SMG1: variants seen among roughly 807,000 people sequenced by gnomAD.
SMG1 encodes serine/threonine-protein kinase SMG1.
A neutral mutation model predicts 419.9 loss-of-function variants in SMG1; 22 were observed. The ratio of observed to expected loss-of-function variants is 0.05; its 90% CI spans 0.04 to 0.07. SMG1 has a LOEUF of 0.07. Ranked by LOEUF, SMG1 falls within the 10% of genes least tolerant of loss-of-function variation. The pLI, the probability that SMG1 is intolerant of heterozygous loss-of-function variation, is 1.00. For missense variants in SMG1, 3,185 were observed against 4,342.0 expected, an observed-to-expected ratio of 0.73 and a Z score of 7.49; for synonymous variants, 1,538 against 1,553.5, an observed-to-expected ratio of 0.99 and a Z score of 0.23.
intron 33 of SMG1, among the ~76,000 whole-genome samples, chr16:18,850,848 G>A (rs916164232): frequency 2.0e-5 from 3 of 152,058 alleles, no homozygotes; most frequent in African/African-American, 7.2e-5. Context: ...CTGCCTCCCA[G>A]GTTCAAGCAA....
Position 18,809,501 on chromosome 16 carries a change from C to T in SMG1, c.*68G>A, listed in dbSNP as rs763329066. 4 of 1,237,930 alleles carry T rather than the reference C, an allele frequency of 3.2e-6. No homozygotes were observed. Among genetic ancestry groups the T allele is most frequent in the Non-Finnish European group, 4.7e-6 (4 of 854,430 alleles). The allele number at this position is 1,237,930 out of a possible 1,614,324, so 76.7% of individuals were successfully genotyped here. ...ACCGACTGTGGTGTGGCTTTGGATG[C>T]CTGAGGCTGAGTTGATTCTGGTGGA... On this transcript the variant is annotated 3_prime_UTR_variant, in exon 63 of 63. Coordinates refer to ENST00000446231, the MANE Select transcript of SMG1 (RefSeq NM_015092.5).
intron 18 of SMG1, 137 bp from the exon 19 acceptor site, chr16:18,870,131 G>A (rs2035736805): frequency 1.6e-6 from 1 of 611,606 alleles, no homozygotes; most frequent in Admixed American, 3.1e-5. Context: ...TGGATACAGA[G>A]ATGTGATTAC....
chr16:18,830,135 C>T lies in SMG1; in HGVS notation c.8944-20G>A. 6.3e-7 allele frequency: 1 copy of T among 1,599,890 alleles called. No individual in the cohort carries two copies. Among genetic ancestry groups the T allele is most frequent in the Non-Finnish European group, 8.5e-7 (1 of 1,172,220 alleles). On this transcript the variant is annotated intron_variant, in intron 52 of 62. Coordinates refer to ENST00000446231, the MANE Select transcript of SMG1 (RefSeq NM_015092.5). Reference sequence around the variant, plus strand: ...GTTCAACTATGTAAATGAAAGAAAACAAAGTTCATTTCTCCACTCTTGACA... The same window carrying T: ...GTTCAACTATGTAAATGAAAGAAAATAAAGTTCATTTCTCCACTCTTGACA...
chr16:18,925,286 A>C (rs370164925), intron 1 of SMG1: 1 of 152,136 alleles, frequency 6.6e-6, no homozygotes, highest in Non-Finnish European at 1.5e-5. Context: ...GTGGGTGCCC[A>C]AAGAGTTCAC....
chr16:18,905,306 CCTCT>C (rs1427496145), intron 1 of SMG1, among the ~76,000 whole-genome samples: 3 of 152,070 alleles, frequency 2.0e-5, no homozygotes, highest in Non-Finnish European at 4.4e-5. Flanking sequence ...TGCCTTTCTC[CCTCT>C]ATCAATCTAA....
At chr16:18,862,817 C>T (rs1292458200) in intron 25 of SMG1, among the ~76,000 whole-genome samples, 5 of 152,194 alleles carry the variant, frequency 3.3e-5, no homozygotes, top group Non-Finnish European at 5.9e-5. Flanking sequence ...CTGTTTAAGG[C>T]ACTCCTAAAC....
At chr16:18,873,175 C>A (rs1159228333) in intron 13 of SMG1, among the ~76,000 whole-genome samples, 2 of 152,018 alleles carry the variant, frequency 1.3e-5, no homozygotes, top group African/African-American at 4.8e-5. Flanking sequence ...ACAAAAAACA[C>A]CAGCCACATA....
At chr16:18,894,926 T>C (rs1363372726) in intron 3 of SMG1, among the ~76,000 whole-genome samples, 3 of 152,066 alleles carry the variant, frequency 2.0e-5, no homozygotes, top group African/African-American at 7.2e-5. Flanking sequence ...CACGCCAGTC[T>C]CCTGCCTCAG....
chr16:18,859,467 A>G (rs2035094656), intron 27 of SMG1, 89 bp downstream of exon 27: 2 of 648,122 alleles, frequency 3.1e-6, no homozygotes, highest in Non-Finnish European at 5.4e-6. Context: ...TTAGTAATCT[A>G]GTAACTCTCC....
intron 1 of SMG1, among the ~76,000 whole-genome samples, chr16:18,917,610 T>C (rs972792529): frequency 1.3e-5 from 2 of 151,624 alleles, no homozygotes; most frequent in African/African-American, 4.8e-5. Context: ...GGAGTCTTGC[T>C]CTTGTTGCCC....
At chr16:18,842,112 G>T in intron 40 of SMG1, 96 bp downstream of exon 40, 2 of 1,317,454 alleles carry the variant, frequency 1.5e-6, no homozygotes, top group East Asian at 2.5e-5. Context: ...ACAGAAATTC[G>T]CCTGAAATAA....
chr16:18,828,977 A>C (rs2032962750), intron 54 of SMG1, among the ~76,000 whole-genome samples: 1 of 150,936 alleles, frequency 6.6e-6, no homozygotes, highest in Admixed American at 6.6e-5. Context: ...CAGTCTGGGC[A>C]AGAAGAGCAA....
Position 18,835,184 on chromosome 16 carries a change from G to A in SMG1, c.8058-20C>T. Reference sequence around the variant, plus strand: ...TCATATCTATAAAAATAAGGAAGAGGTGCTTGTTTATAACACAACCACCCC... The same window carrying A: ...TCATATCTATAAAAATAAGGAAGAGATGCTTGTTTATAACACAACCACCCC... On this transcript the variant is annotated intron_variant, in intron 48 of 62. Transcript: ENST00000446231. The A allele has an allele frequency of 6.3e-7, 1 of 1,593,098 alleles. No homozygotes were observed. Among genetic ancestry groups the A allele is most frequent in the Non-Finnish European group, 8.6e-7 (1 of 1,165,356 alleles).
In SMG1 at chr16:18,807,111, GTTTT is replaced by G. The variant is rs1184873747; in HGVS notation, c.*2454_*2457del. 3.3e-5 allele frequency: 5 copies of G among 152,200 alleles called. No individual in the cohort carries two copies. Among genetic ancestry groups the G allele is most frequent in the African/African-American group, 7.2e-5 (3 of 41,448 alleles). The allele number at this position is 152,200 out of a possible 1,614,324, so 9.4% of individuals were successfully genotyped here. A position where few individuals can be genotyped will look rare whatever the true frequency, so the allele number is the denominator to read the frequency against. On this transcript the variant is annotated 3_prime_UTR_variant, in exon 63 of 63. Transcript: ENST00000446231. ...AGGCACATGCTTTTGAAGTAAAGCT[GTTTT>G]TTGTTTTTGCTTGAGTAAGGTGCCA... is the stretch of plus-strand genomic sequence containing the variant.
At chr16:18,856,045 T>C (rs1392590329) in intron 29 of SMG1, among the ~76,000 whole-genome samples, 1 of 152,208 alleles carries the variant, frequency 6.6e-6, no homozygotes, top group African/African-American at 2.4e-5. Flanking sequence ...ACACGTTTTT[T>C]CTAACCAAGT....
intron 55 of SMG1, among the ~76,000 whole-genome samples, chr16:18,820,051 T>C (rs1016111620): frequency 6.6e-6 from 1 of 152,208 alleles, no homozygotes; most frequent in South Asian, 2.1e-4. Flanking sequence ...CTGCAACCTC[T>C]GTCACCTGGG....
chr16:18,895,658 A>G (rs1332905579), intron 3 of SMG1, among the ~76,000 whole-genome samples: 1 of 151,788 alleles, frequency 6.6e-6, no homozygotes, highest in Admixed American at 6.6e-5. Context: ...ACAAACCTGT[A>G]CATCCTGCAC....
chr16:18,814,447 C>T (rs947084586), intron 60 of SMG1, among the ~76,000 whole-genome samples: 51 of 151,550 alleles, frequency 3.4e-4, no homozygotes, highest in Admixed American at 5.3e-4. Context: ...TACAGTGAGC[C>T]GCAACTGTGC....
intron 55 of SMG1, among the ~76,000 whole-genome samples, chr16:18,819,969 T>C (rs2032368686): frequency 6.6e-6 from 1 of 151,506 alleles, no homozygotes; most frequent in Non-Finnish European, 1.5e-5. Context: ...ACCAAATTCT[T>C]TTTTTTTTCT....
Sources: allele counts gnomAD v4.1 joint callset (sites outside exome capture counted in the v4.1 genomes callset), GRCh38; gene constraint gnomAD v4.1.1; transcripts MANE v1.5; gene names NCBI Gene and HGNC (gene_info 2026-07-23, HGNC 2026-07-21).